CLK2: variants seen among roughly 807,000 people sequenced by gnomAD.
The protein encoded by CLK2 is dual specificity protein kinase CLK2.
In CLK2, 12 loss-of-function variants were observed where a neutral mutation model predicts 73.5. The ratio of observed to expected loss-of-function variants is 0.16; its 90% CI spans 0.10 to 0.26. CLK2 has a LOEUF of 0.26. Ranked by LOEUF, CLK2 falls within the 10% of genes least tolerant of loss-of-function variation. The probability of loss-of-function intolerance (pLI) is 1.00; values close to 1 mark genes in which losing one functional copy is unlikely to be tolerated. For synonymous variants in CLK2, 232 were observed against 237.9 expected (o/e 0.98, Z 0.23); for missense variants, 509 against 688.4 (o/e 0.74, Z 2.92).
chr1:155,271,459 C>T (rs1027898403), intron 1 of CLK2, among the ~76,000 whole-genome samples: 42 of 152,138 alleles, frequency 2.8e-4, no homozygotes, highest in African/African-American at 9.4e-4. Context: ...CTCCTGACCT[C>T]GTGATCCTCC....
rs1673114985 is a variant in CLK2, at chr1:155,264,055, GAGGTTGAGGAATCAGA to G, written c.1227-31_1227-16del. 1 of 1,607,510 alleles carries G rather than the reference GAGGTTGAGGAATCAGA, an allele frequency of 6.2e-7. No individual in the cohort carries two copies. Among genetic ancestry groups the G allele is most frequent in the Non-Finnish European group, 8.5e-7 (1 of 1,174,152 alleles). On this transcript the variant is annotated splice_polypyrimidine_tract_variant and intron_variant, in intron 11 of 12. Coordinates refer to ENST00000368361, the MANE Select transcript of CLK2 (RefSeq NM_001294338.2). Reference sequence around the variant, plus strand: ...ATTTCTGCTTTCTAGAGGGGAAGGGGAGGTTGAGGAATCAGAAGGTCACCCTTGTTACAATTCCCTT... The same window carrying G: ...ATTTCTGCTTTCTAGAGGGGAAGGGGAGGTCACCCTTGTTACAATTCCCTT...
intron 7 of CLK2, 59 bp from the exon 8 acceptor site, chr1:155,266,013 G>C (rs1011748826): frequency 1.7e-6 from 2 of 1,176,542 alleles, no homozygotes; most frequent in Admixed American, 1.7e-5. Flanking sequence ...ACTGGTATCA[G>C]CTGACCCCAG....
chr1:155,265,554 G>A (rs1673187786), intron 8 of CLK2, among the ~76,000 whole-genome samples: 1 of 108,178 alleles, frequency 9.2e-6, no homozygotes, highest in African/African-American at 4.1e-5. Context: ...GCAACAGAGT[G>A]AGACTCTGTC....
chr1:155,270,878 A>G lies in CLK2; in HGVS notation c.100T>C (p.Ser34Pro), dbSNP rs775074284. The part of the protein sequence containing the change: ...SRKHKRRRSR[S>P]WSSSSDRTRR... ...GTCCGGTCACTACTACTTGACCAGG[A>G]GCGACTTCTTCGTCGCTTATGCTTT... Residue 34 changes from serine to proline, a missense_variant, in exon 2 of 13, where the codon TCC becomes CCC. Transcript: ENST00000368361. 1.9e-6 allele frequency: 3 copies of G among 1,614,026 alleles called. No homozygotes were observed. The highest frequency in any genetic ancestry group is 1.3e-5 in the African/African-American group (1 of 74,898).
intron 8 of CLK2, among the ~76,000 whole-genome samples, chr1:155,265,605 A>ATAAATAAG (rs1553224450): frequency 3.9e-5 from 6 of 151,916 alleles, no homozygotes; most frequent in African/African-American, 1.5e-4. Flanking sequence ...AAATAAATAA[A>ATAAATAAG]GTCCAAACCA....
In CLK2 at chr1:155,264,793, G is replaced by C. The variant is rs748592980; in HGVS notation, c.934-19C>G. 3.6e-5 allele frequency: 58 copies of C among 1,613,416 alleles called. No homozygotes were observed. The highest frequency in any genetic ancestry group is 4.7e-5 in the Non-Finnish European group (56 of 1,179,560). On this transcript the variant is annotated intron_variant, in intron 8 of 12. Coordinates refer to ENST00000368361, the MANE Select transcript of CLK2 (RefSeq NM_001294338.2). ...CTCGCTTCTAGGAGCAGAGGAGAAA[G>C]AGGATGAACCTCTGCACCCAGACTG...
Position 155,269,634 on chromosome 1 carries a change from C to T in CLK2, c.253G>A (p.Asp85Asn), listed in dbSNP as rs1673402069. ...GSYRRNDYSR[D>N]RGDAYYDTDY... The stretch of plus-strand genomic sequence containing the variant: ...GTGTCATAGTAGGCATCTCCCCGAT[C>T]CCGGCTATAATCGTTGCGTCTGTAG... Residue 85 changes from aspartate (D) to asparagine (N), a missense_variant, in exon 3 of 13, where the codon GAT (aspartate) becomes AAT (asparagine). Transcript: ENST00000368361. 11 of 1,614,224 alleles carry T rather than the reference C, an allele frequency of 6.8e-6. No homozygotes were observed. The highest frequency in any genetic ancestry group is 9.3e-6 in the Non-Finnish European group (11 of 1,180,038).
At chr1:155,270,716 G>A in intron 2 of CLK2, 92 bp downstream of exon 2, 1 of 1,377,388 alleles carries the variant, frequency 7.3e-7, no homozygotes, top group East Asian at 2.3e-5. Context: ...GCTACTTAAG[G>A]CAATGGTTTT....
chr1:155,264,040 T>C lies in CLK2; in HGVS notation c.1227A>G (p.Arg409=). The part of the protein sequence containing the change: ...PIPSRMIRKT[R]KQKYFYRGRL... ...GACCCCGGTAAAAATATTTCTGCTTTCTAGAGGGGAAGGGGAGGTTGAGGA... is the reference window on the plus strand; with the variant it reads ...GACCCCGGTAAAAATATTTCTGCTTCCTAGAGGGGAAGGGGAGGTTGAGGA... Residue 409 remains arginine, a splice_region_variant and synonymous_variant, in exon 12 of 13, where the codon AGA becomes AGG. Coordinates refer to ENST00000368361, the MANE Select transcript of CLK2 (RefSeq NM_001294338.2). 6.2e-7 allele frequency: 1 copy of C among 1,613,444 alleles called. No individual in the cohort carries two copies. Among genetic ancestry groups the C allele is most frequent in the Non-Finnish European group, 8.5e-7 (1 of 1,179,366 alleles).
chr1:155,266,146 A>AT (rs1255352091), intron 7 of CLK2, among the ~76,000 whole-genome samples, 192 bp from the exon 8 acceptor site: 1 of 148,580 alleles, frequency 6.7e-6, no homozygotes, highest in Non-Finnish European at 1.5e-5. Flanking sequence ...TGTAAGATAC[A>AT]TATGTAGCTC....
rs911861028 is a variant in CLK2 at position 155,264,046 on chromosome 1, G to C, written c.1227-6C>G. On this transcript the variant is annotated splice_polypyrimidine_tract_variant and splice_region_variant and intron_variant, in intron 11 of 12. Coordinates refer to ENST00000368361, the MANE Select transcript of CLK2 (RefSeq NM_001294338.2). ...GGTAAAAATATTTCTGCTTTCTAGAGGGGAAGGGGAGGTTGAGGAATCAGA... is the reference window on the plus strand; with the variant it reads ...GGTAAAAATATTTCTGCTTTCTAGACGGGAAGGGGAGGTTGAGGAATCAGA... 1 of 1,612,176 alleles carries C rather than the reference G, an allele frequency of 6.2e-7. No homozygotes were observed.
At position 155,268,817 on chromosome 1, in the gene CLK2, C is replaced by A; in HGVS notation, c.400-22G>T. On this transcript the variant is annotated intron_variant, in intron 3 of 12. Transcript: ENST00000368361. The surrounding 1 kb of genome is among the most constrained non-coding windows in gnomAD (Gnocchi z 5.6). ...GCTGCTGTCGGGGGGCAGGGGGGGT[C>A]GGAGCAAGCCAGGTGTCGGAGCGGG... 8.7e-7 allele frequency: 1 copy of A among 1,147,876 alleles called. No homozygotes were observed. The allele number at this position is 1,147,876 out of a possible 1,614,324, so 71.1% of individuals were successfully genotyped here.
intron 1 of CLK2, 39 bp downstream of exon 1, chr1:155,273,162 C>A (rs976225492): frequency 2.0e-5 from 3 of 152,142 alleles, no homozygotes. Flanking sequence ...GCCCCGCGGT[C>A]GCCATCTTTT....
chr1:155,265,428 G>A (rs1202294211), intron 8 of CLK2, among the ~76,000 whole-genome samples: 3 of 152,032 alleles, frequency 2.0e-5, no homozygotes, highest in Non-Finnish European at 4.4e-5. Context: ...CTAGCCAGGC[G>A]TGGTGGCGGG....
rs981323382 is a variant in CLK2, at chr1:155,268,606, C to T, written c.487+102G>A. On this transcript the variant is annotated intron_variant, in intron 4 of 12. Coordinates refer to ENST00000368361, the MANE Select transcript of CLK2 (RefSeq NM_001294338.2). This position sits in a 1 kb window ranked among gnomAD's most constrained non-coding sequence, Gnocchi z 5.6. ...ACTCAAACCACCCAGATAAACAACA[C>T]CACTGAGAAAAGGCAAGAGGCTGTG... The T allele has an allele frequency of 1.6e-5, 18 of 1,118,008 alleles. No individual in the cohort carries two copies. Among genetic ancestry groups the T allele is most frequent in the Non-Finnish European group, 2.3e-5 (17 of 734,016 alleles). 69.3% of individuals were successfully genotyped at this position (1,118,008 alleles called of 1,614,324 possible).
Position 155,268,051 on chromosome 1 carries a change from G to C in CLK2, c.630C>G (p.Asn210Lys). ...CTTTCTCATTGATTTTCTCTAGCAC[G>C]TTGATCTCAAGTCGAGCTGCTTCCT... ...KYKEAARLEI[N>K]VLEKINEKDP... The change falls in exon 6 of 13, where the codon AAC (asparagine) becomes AAG (lysine). Residue 210 changes from asparagine (N) to lysine (K), a missense_variant. By Grantham distance (94) the Asn-to-Lys change is moderately conservative (BLOSUM62 0). Around this residue, in one of 6 missense-constraint regions of CLK2, gnomAD observed 76 missense variants for 126.4 expected, o/e 0.60. Transcript: ENST00000368361. The surrounding 1 kb of genome is among the most constrained non-coding windows in gnomAD (Gnocchi z 5.6). 1.9e-6 allele frequency: 3 copies of C among 1,613,974 alleles called. No homozygotes were observed. Among genetic ancestry groups the C allele is most frequent in the South Asian group, 2.2e-5 (2 of 91,086 alleles).
Position 155,268,970 on chromosome 1 carries a change from AAG to A in CLK2, c.400-177_400-176del, listed in dbSNP as rs375513630. 1 of 624,342 alleles carries A rather than the reference AAG, an allele frequency of 1.6e-6. No individual in the cohort carries two copies. The highest frequency in any genetic ancestry group is 1.8e-5 in the African/African-American group (1 of 55,116). The allele number at this position is 624,342 out of a possible 1,614,324, so 38.7% of individuals were successfully genotyped here. A position where few individuals can be genotyped will look rare whatever the true frequency, so the allele number is the denominator to read the frequency against. ...ATGCAGTAAGGTGGATCGGTGTGAG[AAG>A]AGAGAGCGGCGCATAATCCCAAGTC... On this transcript the variant is annotated intron_variant, in intron 3 of 12. Transcript: ENST00000368361. The surrounding 1 kb of genome is among the most constrained non-coding windows in gnomAD (Gnocchi z 5.6).
Position 155,268,242 on chromosome 1 carries a change from A to T in CLK2, c.554+51T>A. ...GTTAATTAGCAAAAAAGCCCCATATAACCCCAACCATCTCTTTAGCCCCAC... is the reference window on the plus strand; with the variant it reads ...GTTAATTAGCAAAAAAGCCCCATATTACCCCAACCATCTCTTTAGCCCCAC... On this transcript the variant is annotated intron_variant, in intron 5 of 12. Transcript: ENST00000368361. This position sits in a 1 kb window ranked among gnomAD's most constrained non-coding sequence, Gnocchi z 5.6. 2 of 1,587,448 alleles carry T rather than the reference A, an allele frequency of 1.3e-6. No homozygotes were observed. The highest frequency in any genetic ancestry group is 1.7e-6 in the Non-Finnish European group (2 of 1,155,882).
In CLK2 at chr1:155,270,914, A is replaced by G; in HGVS notation, c.64T>C (p.Tyr22His). The change falls in exon 2 of 13, where the codon TAT becomes CAT. Residue 22 changes from tyrosine (Y) to histidine (H), a missense_variant. Physicochemically the swap from Tyr to His is moderately conservative, Grantham distance 83. Transcript: ENST00000368361. ...CGTCGCTTATGCTTTCGGCTCCGAT[A>G]GTGTTCACGGTAACTCCCCCGGCTG... ...RGSRGSYREH[Y>H]RSRKHKRRRS... 6.8e-6 allele frequency: 11 copies of G among 1,614,148 alleles called. No individual in the cohort carries two copies. Among genetic ancestry groups the G allele is most frequent in the Non-Finnish European group, 9.3e-6 (11 of 1,180,032 alleles).
Sources: allele counts gnomAD v4.1 joint callset (sites outside exome capture counted in the v4.1 genomes callset), GRCh38; gene constraint gnomAD v4.1.1; regional missense constraint gnomAD v4.1.1; non-coding constraint Gnocchi (gnomAD v3.1); transcripts MANE v1.5; gene names NCBI Gene and HGNC (gene_info 2026-07-23, HGNC 2026-07-21).